MTUS2: variants seen among roughly 807,000 people sequenced by gnomAD.
The protein encoded by MTUS2 is microtubule associated scaffold protein 2, also known as microtubule-associated tumor suppressor candidate 2.
In MTUS2, 40 loss-of-function variants were observed where a neutral mutation model predicts 114.1. The ratio of observed to expected loss-of-function variants is 0.35; its 90% CI spans 0.27 to 0.46. The LOEUF (loss-of-function observed/expected upper bound fraction) is 0.46. MTUS2 is among the 20% of genes least tolerant of loss of function. The pLI is 1.00. For synonymous variants in MTUS2, 688 were observed against 672.0 expected (o/e 1.02, Z -0.37); for missense variants, 1,679 against 1,705.4 (o/e 0.98, Z 0.27).
chr13:29,399,694 C>A (rs575215861), intron 8 of MTUS2, among the ~76,000 whole-genome samples: 3 of 151,838 alleles, frequency 2.0e-5, no homozygotes, highest in African/African-American at 7.2e-5. Context: ...AGTGGGCCAA[C>A]GTATGAAAGT....
rs543070206 is a variant in MTUS2, at chr13:29,320,609, T to C, written c.2807-4004T>C. Among the ~76,000 whole-genome samples, 12 of 152,346 alleles carry C rather than the reference T, an allele frequency of 7.9e-5. No homozygotes were observed. The East Asian group carries it at 2.3e-3, about 29-fold the overall frequency. On this transcript the variant is annotated intron_variant, in intron 6 of 15. Coordinates refer to ENST00000612955, the MANE Select transcript of MTUS2 (RefSeq NM_001033602.4). ...GCAGAGGACAGGAGATCCTGGAGGATGCTTACCCCACACCATGGAGTTGGG... is the reference window on the plus strand; with the variant it reads ...GCAGAGGACAGGAGATCCTGGAGGACGCTTACCCCACACCATGGAGTTGGG...
At chr13:29,457,081 C>A (rs952218900) in intron 9 of MTUS2, among the ~76,000 whole-genome samples, 6 of 150,352 alleles carry the variant, frequency 4.0e-5, no homozygotes, top group Non-Finnish European at 1.5e-5. Context: ...GGGGGCGGAG[C>A]TTGCAGTGAG....
intron 8 of MTUS2, among the ~76,000 whole-genome samples, chr13:29,365,988 T>C (rs748934556): frequency 2.6e-5 from 4 of 152,228 alleles, no homozygotes; most frequent in Non-Finnish European, 4.4e-5. Flanking sequence ...TTATTCACTT[T>C]CCTAGACCTC....
intron 2 of MTUS2, among the ~76,000 whole-genome samples, chr13:28,844,008 C>A (rs1325060883): frequency 2.6e-5 from 4 of 152,186 alleles, no homozygotes; most frequent in African/African-American, 9.7e-5. Context: ...AGGAGTTCAT[C>A]ATATTTGAAA....
chr13:29,372,820 C>T (rs543273030), intron 8 of MTUS2, among the ~76,000 whole-genome samples: 14 of 152,088 alleles, frequency 9.2e-5, no homozygotes, highest in Non-Finnish European at 1.2e-4. Flanking sequence ...GCAAGGGATC[C>T]GAAAGATCTC....
At chr13:28,851,222 A>G (rs1200330058) in intron 2 of MTUS2, among the ~76,000 whole-genome samples, 1 of 152,224 alleles carries the variant, frequency 6.6e-6, no homozygotes, top group African/African-American at 2.4e-5. Context: ...AGTGGACCTA[A>G]GAGAAATAAG....
intron 4 of MTUS2, among the ~76,000 whole-genome samples, chr13:29,047,010 C>T (rs1459925260): frequency 6.6e-6 from 1 of 152,202 alleles, no homozygotes; most frequent in Non-Finnish European, 1.5e-5. Context: ...TAAAGGCTCT[C>T]GTGCCCCCTT....
intron 2 of MTUS2, among the ~76,000 whole-genome samples, chr13:28,883,436 C>G (rs1455120743): frequency 1.3e-5 from 2 of 152,124 alleles, no homozygotes; most frequent in African/African-American, 2.4e-5. Context: ...AACTGTGATA[C>G]ATCCATACCA....
In MTUS2 at chr13:28,883,882, G is replaced by A. The variant is rs534185925; in HGVS notation, c.-243+44032G>A. On this transcript the variant is annotated intron_variant, in intron 2 of 15. Coordinates refer to ENST00000612955, the MANE Select transcript of MTUS2 (RefSeq NM_001033602.4). ...TTATTTAGAAAGTTAGGGAAGTTAG[G>A]GAAATAAAAAGTGTTGGTGAGGATG... 3.9e-5 allele frequency among the ~76,000 whole-genome samples: 6 copies of A among 152,274 alleles called. No individual in the cohort carries two copies. The South Asian group carries it at 1.2e-3, about 32-fold the overall frequency.
intron 8 of MTUS2, among the ~76,000 whole-genome samples, chr13:29,417,842 T>C (rs1875777674): frequency 6.6e-6 from 1 of 152,258 alleles, no homozygotes; most frequent in African/African-American, 2.4e-5. Flanking sequence ...TCTTATTTTC[T>C]AGTTCTTTGT....
At chr13:28,874,623 G>T (rs1593262464) in intron 2 of MTUS2, among the ~76,000 whole-genome samples, 1 of 152,288 alleles carries the variant, frequency 6.6e-6, no homozygotes, top group African/African-American at 2.4e-5. Flanking sequence ...AGGCATGGTT[G>T]CTGGCTCCCC....
At chr13:28,974,881 TAGTC>T (rs66973016) in intron 2 of MTUS2, among the ~76,000 whole-genome samples, 32,899 of 152,000 alleles carry the variant, frequency 0.22, 3,936 homozygotes, top group Non-Finnish European at 0.26. Context: ...ATAGATTAGA[TAGTC>T]AGTAGAATGA....
At chr13:29,180,594 C>G (rs1168123845) in intron 5 of MTUS2, among the ~76,000 whole-genome samples, 1 of 152,128 alleles carries the variant, frequency 6.6e-6, no homozygotes, top group East Asian at 1.9e-4. Flanking sequence ...GCATGTGACA[C>G]CGTGCTTCAT....
chr13:29,242,899 G>A (rs1265826050), intron 5 of MTUS2, among the ~76,000 whole-genome samples: 1 of 152,184 alleles, frequency 6.6e-6, no homozygotes, highest in Non-Finnish European at 1.5e-5. Flanking sequence ...AACTGGTTCA[G>A]AGAGGTTAAG....
At chr13:29,156,381 T>C (rs1200595061) in intron 5 of MTUS2, among the ~76,000 whole-genome samples, 1 of 152,148 alleles carries the variant, frequency 6.6e-6, no homozygotes, top group Non-Finnish European at 1.5e-5. Context: ...TAGCTTTATC[T>C]ATATTGGTTT....
intron 6 of MTUS2, among the ~76,000 whole-genome samples, chr13:29,288,751 G>A (rs1566111631): frequency 6.6e-6 from 1 of 152,124 alleles, no homozygotes; most frequent in Non-Finnish European, 1.5e-5. Flanking sequence ...TGGCAAAATG[G>A]TTAACTCGCA....
chr13:29,462,358 A>G (rs1879557631), intron 9 of MTUS2, among the ~76,000 whole-genome samples: 1 of 152,228 alleles, frequency 6.6e-6, no homozygotes, highest in Non-Finnish European at 1.5e-5. Flanking sequence ...GGCTTTAAGC[A>G]AAGGAGCAAC....
intron 2 of MTUS2, among the ~76,000 whole-genome samples, chr13:28,995,302 G>A (rs1390364857): frequency 6.6e-6 from 1 of 152,172 alleles, no homozygotes; most frequent in Non-Finnish European, 1.5e-5. Context: ...GGTTACTGTA[G>A]CCTTGTAGTA....
intron 8 of MTUS2, among the ~76,000 whole-genome samples, chr13:29,366,674 T>C (rs114112744): frequency 1.7e-4 from 26 of 152,178 alleles, no homozygotes; most frequent in African/African-American, 5.3e-4. Flanking sequence ...GGAAAAATCA[T>C]TTAAATAACA....
Sources: allele counts gnomAD v4.1 joint callset (sites outside exome capture counted in the v4.1 genomes callset), GRCh38; gene constraint gnomAD v4.1.1; transcripts MANE v1.5; gene names NCBI Gene and HGNC (gene_info 2026-07-23, HGNC 2026-07-21).